Variants in PTPRK observed in about 807,000 individuals in gnomAD.
PTPRK encodes the protein protein tyrosine phosphatase receptor type K, also known as receptor-type tyrosine-protein phosphatase kappa.
In PTPRK, 75 loss-of-function variants were observed where a neutral mutation model predicts 178.0. That is an observed-to-expected ratio of 0.42 (90% CI 0.35 to 0.51). The LOEUF (loss-of-function observed/expected upper bound fraction) is 0.51, where lower values mean the gene tolerates loss of function less well. Among genes scored for constraint, PTPRK ranks in the 20% least tolerant of loss-of-function variants. PTPRK has a pLI of 0.02. For synonymous variants in PTPRK, 637 were observed against 620.6 expected (o/e 1.03, Z -0.39); for missense variants, 1,441 against 1,797.8 (o/e 0.80, Z 3.59).
At chr6:128,226,798 A>ATATATATATATATATATATT (rs1554356113) in intron 5 of PTPRK, among the ~76,000 whole-genome samples, 1 of 133,922 alleles carries the variant, frequency 7.5e-6, no homozygotes, top group Non-Finnish European at 1.6e-5. Flanking sequence ...ATATATATAT[A>ATATATATATATATATATATT]TTTCAATAAA....
chr6:128,208,405 A>G (rs1193799799), intron 6 of PTPRK, among the ~76,000 whole-genome samples: 1 of 152,148 alleles, frequency 6.6e-6, no homozygotes, highest in African/African-American at 2.4e-5. Context: ...AAGAGAAAGT[A>G]GAGAAGCCTG....
chr6:128,292,072 C>T (rs1252441324), intron 3 of PTPRK, among the ~76,000 whole-genome samples: 1 of 149,800 alleles, frequency 6.7e-6, no homozygotes, highest in Non-Finnish European at 1.5e-5. Flanking sequence ...CATCAGCTAC[C>T]AATAAAAAAC....
intron 7 of PTPRK, among the ~76,000 whole-genome samples, chr6:128,135,104 A>T (rs1794830265): frequency 6.6e-6 from 1 of 151,898 alleles, no homozygotes; most frequent in South Asian, 2.1e-4. Flanking sequence ...ACACACACAC[A>T]CACACACACA....
intron 22 of PTPRK, among the ~76,000 whole-genome samples, chr6:127,983,904 G>A (rs1354342034): frequency 1.3e-5 from 2 of 151,728 alleles, no homozygotes; most frequent in African/African-American, 4.9e-5. Context: ...AATGCAAATG[G>A]TGGGGGTGGG....
In PTPRK at chr6:128,352,408, CTACCTCTAGTTG is replaced by C. The variant is rs1331688014; in HGVS notation, c.224-30110_224-30099del. ...CTATAATTTATTTTTCATTCTGCAA[CTACCTCTAGTTG>C]CAGATCACTGTACAGTCCAGATTTG... On this transcript the variant is annotated intron_variant, in intron 2 of 29. Transcript: ENST00000368226. Among the ~76,000 whole-genome samples the C allele has an allele frequency of 1.1e-3, 7 of 6,422 alleles. No individual in the cohort carries two copies. In the Admixed American group the frequency reaches 0.028, roughly 25 times the overall value. 4.2% of individuals were successfully genotyped at this position (6,422 alleles called of 152,430 possible).
intron 1 of PTPRK, among the ~76,000 whole-genome samples, chr6:128,413,346 C>T (rs949529688): frequency 2.0e-5 from 3 of 151,844 alleles, no homozygotes; most frequent in African/African-American, 4.8e-5. Flanking sequence ...TCAAGGAAAA[C>T]GCAGAGCTCT....
At chr6:128,049,932 T>A (rs1778716846) in intron 13 of PTPRK, among the ~76,000 whole-genome samples, 1 of 151,328 alleles carries the variant, frequency 6.6e-6, no homozygotes, top group Admixed American at 6.6e-5. Flanking sequence ...AGGTCGGGAG[T>A]TCAAGACCAG....
chr6:128,438,212 G>T (rs779234866), intron 1 of PTPRK, among the ~76,000 whole-genome samples: 1 of 152,204 alleles, frequency 6.6e-6, no homozygotes, highest in Non-Finnish European at 1.5e-5. Flanking sequence ...AGTCTTGCCT[G>T]TAGGTGACCT....
chr6:128,475,187 ATT>A (rs993435568), intron 1 of PTPRK, among the ~76,000 whole-genome samples: 4 of 152,038 alleles, frequency 2.6e-5, no homozygotes, highest in African/African-American at 4.8e-5. Flanking sequence ...TTTTCTCTGT[ATT>A]TGTTTCCTCA....
intron 13 of PTPRK, among the ~76,000 whole-genome samples, chr6:128,025,602 T>C (rs1774171756): frequency 6.6e-6 from 1 of 152,178 alleles, no homozygotes; most frequent in South Asian, 2.1e-4. Context: ...ACCACACATA[T>C]TTATTCTCTT....
chr6:128,072,665 C>G (rs1203586777), intron 11 of PTPRK, among the ~76,000 whole-genome samples: 1 of 152,008 alleles, frequency 6.6e-6, no homozygotes, highest in African/African-American at 2.4e-5. Context: ...CCATTCGAAG[C>G]TGGTATGACC....
intron 4 of PTPRK, among the ~76,000 whole-genome samples, chr6:128,240,838 G>T (rs1814286359): frequency 6.6e-6 from 1 of 152,136 alleles, no homozygotes; most frequent in African/African-American, 2.4e-5. Flanking sequence ...TGACTGACAA[G>T]TATCCTCTGA....
At chr6:128,219,591 G>A (rs1457451232) in intron 5 of PTPRK, among the ~76,000 whole-genome samples, 1 of 152,154 alleles carries the variant, frequency 6.6e-6, no homozygotes, top group Non-Finnish European at 1.5e-5. Context: ...CTGGGGGTTG[G>A]GGACCCCTGC....
intron 3 of PTPRK, among the ~76,000 whole-genome samples, chr6:128,302,391 C>CAAAAAAAA (rs534525238): frequency 6.5e-5 from 2 of 30,912 alleles, no homozygotes; most frequent in African/African-American, 1.2e-4. Flanking sequence ...GACTCAATTC[C>CAAAAAAAA]AAAAAAAAAA....
At chr6:128,463,740 GGTTTTTT>G (rs1056732562) in intron 1 of PTPRK, among the ~76,000 whole-genome samples, 6 of 135,834 alleles carry the variant, frequency 4.4e-5, no homozygotes, top group Non-Finnish European at 6.2e-5. Flanking sequence ...CAATCTTCAC[GGTTTTTT>G]TTTTTTTTTT....
chr6:128,298,004 G>T (rs914963308), intron 3 of PTPRK, among the ~76,000 whole-genome samples: 1 of 151,978 alleles, frequency 6.6e-6, no homozygotes, highest in East Asian at 1.9e-4. Flanking sequence ...AGAAAAGAGA[G>T]AAGAATCATA....
chr6:128,516,408 T>G (rs1375769611), intron 1 of PTPRK, among the ~76,000 whole-genome samples: 1 of 151,744 alleles, frequency 6.6e-6, no homozygotes, highest in Non-Finnish European at 1.5e-5. Flanking sequence ...AAAAAAACAG[T>G]CCTGGAAATG....
At chr6:128,119,575 A>T (rs1030492202) in intron 7 of PTPRK, among the ~76,000 whole-genome samples, 1 of 152,068 alleles carries the variant, frequency 6.6e-6, no homozygotes, top group African/African-American at 2.4e-5. Context: ...AATAAGCTAC[A>T]GTTGTCTCTG....
At chr6:128,503,264 G>A (rs1356458635) in intron 1 of PTPRK, among the ~76,000 whole-genome samples, 9 of 152,106 alleles carry the variant, frequency 5.9e-5, no homozygotes, top group African/African-American at 1.7e-4. Flanking sequence ...TGGCTTGAGA[G>A]CTGATTATTA....
Sources: gnomAD v4.1 joint callset for allele counts (sites outside exome capture counted in the v4.1 genomes callset) on GRCh38, gnomAD v4.1.1 for gene constraint, MANE v1.5 for transcripts, NCBI Gene and HGNC (gene_info 2026-07-23, HGNC 2026-07-21) for gene names.